Variants in MCUR1 observed in about 807,000 individuals in gnomAD.
The protein encoded by MCUR1 is MCU regulator 1.
MCUR1 carries 37 observed loss-of-function variants against 42.0 expected under a neutral mutation model. The observed-to-expected ratio is 0.88, with a 90% confidence interval of 0.68 to 1.16. MCUR1 has a LOEUF of 1.16. Ranked by LOEUF, MCUR1 falls within the 50% of genes most tolerant of loss-of-function variation. The pLI, the probability that MCUR1 is intolerant of heterozygous loss-of-function variation, is 0.00. For missense variants in MCUR1, 469 were observed against 468.4 expected, an observed-to-expected ratio of 1.00 and a Z score of -0.01; for synonymous variants, 229 against 196.2, an observed-to-expected ratio of 1.17 and a Z score of -1.40.
Position 13,800,394 on chromosome 6 carries a change from T to A in MCUR1, c.742-12A>T, listed in dbSNP as rs1561732410. The A allele has an allele frequency of 7.3e-7, 1 of 1,375,422 alleles. No homozygotes were observed. 85.2% of individuals were successfully genotyped at this position (1,375,422 alleles called of 1,614,324 possible). ...TCGAGTTTTATTTTCTAAAAACACATAAAAAAAAAGTCATTAGAAAGAACA... is the reference window on the plus strand; with the variant it reads ...TCGAGTTTTATTTTCTAAAAACACAAAAAAAAAAAGTCATTAGAAAGAACA... On this transcript the variant is annotated splice_polypyrimidine_tract_variant and intron_variant, in intron 4 of 8. Transcript: ENST00000379170.
intron 2 of MCUR1, among the ~76,000 whole-genome samples, chr6:13,805,637 A>T (rs1015527056): frequency 7.2e-5 from 11 of 152,232 alleles, no homozygotes; most frequent in African/African-American, 2.7e-4. Flanking sequence ...TCATTCCGTC[A>T]CTTTGTCTTA....
chr6:13,798,889 C>CT lies in MCUR1; in HGVS notation c.798dup (p.Val267SerfsTer55). 1.2e-6 allele frequency: 2 copies of CT among 1,600,712 alleles called. No individual in the cohort carries two copies. Among genetic ancestry groups the CT allele is most frequent in the South Asian group, 2.2e-5 (2 of 90,552 alleles). On this transcript the variant is annotated frameshift_variant, in exon 6 of 9. Coordinates refer to ENST00000379170, the MANE Select transcript of MCUR1 (RefSeq NM_001031713.4). LOFTEE classifies it high-confidence loss of function. ...AAGTCTAATTTGGTATCTGTTCGGA[C>CT]TTTGATCACTTCATCCTAAAAGGAG...
In MCUR1 at chr6:13,789,016, T is replaced by C. The variant is rs1410425688; in HGVS notation, c.*1793A>G. The C allele has an allele frequency of 1.3e-5, 2 of 152,254 alleles. No homozygotes were observed. The highest frequency in any genetic ancestry group is 2.9e-5 in the Non-Finnish European group (2 of 68,044). 9.4% of individuals were successfully genotyped at this position (152,254 alleles called of 1,614,324 possible). A position where few individuals can be genotyped will look rare whatever the true frequency, so the allele number is the denominator to read the frequency against. ...CACCAAACTGATCAAAAAATCTGCC[T>C]GTGGTTCCTTCACTGTATGTGTGTG... On this transcript the variant is annotated 3_prime_UTR_variant, in exon 9 of 9. Coordinates refer to ENST00000379170, the MANE Select transcript of MCUR1 (RefSeq NM_001031713.4).
chr6:13,801,561 C>T (rs976021780), intron 3 of MCUR1, among the ~76,000 whole-genome samples, 172 bp from the exon 4 acceptor site: 9 of 152,052 alleles, frequency 5.9e-5, no homozygotes, highest in African/African-American at 2.2e-4. Context: ...AAAAACAACA[C>T]ATATCTGGCC....
In MCUR1 at chr6:13,797,840, A is replaced by G. The variant is rs555916356; in HGVS notation, c.855+993T>C. ...GGAGTTTGAGACCAGCCTGGCCAAC[A>G]TGGTGAAACCCTGTCTCTACTAAAA... On this transcript the variant is annotated intron_variant, in intron 6 of 8. Coordinates refer to ENST00000379170, the MANE Select transcript of MCUR1 (RefSeq NM_001031713.4). 2.1e-4 allele frequency among the ~76,000 whole-genome samples: 32 copies of G among 152,048 alleles called. No homozygotes were observed. The South Asian group carries it at 4.8e-3, about 23-fold the overall frequency.
At position 13,791,896 on chromosome 6, in the gene MCUR1, T is replaced by C; in HGVS notation, c.1006A>G (p.Asn336Asp). 6.2e-7 allele frequency: 1 copy of C among 1,612,406 alleles called. No individual in the cohort carries two copies. The highest frequency in any genetic ancestry group is 1.7e-5 in the Admixed American group (1 of 59,974). The change falls in exon 8 of 9, where the codon AAT becomes GAT. Residue 336 changes from asparagine to aspartate, a missense_variant. Asn to Asp is a conservative substitution (Grantham distance 23, BLOSUM62 1). Coordinates refer to ENST00000379170, the MANE Select transcript of MCUR1 (RefSeq NM_001031713.4). ...AGCTTACCTGCTAAATATTTAATATTATCAAGCTTGTGTGACTCAAGCATG... is the reference window on the plus strand; with the variant it reads ...AGCTTACCTGCTAAATATTTAATATCATCAAGCTTGTGTGACTCAAGCATG... Reference protein sequence around the residue: ...KTMLESHKLDNIKYLAGSIFT... With the variant: ...KTMLESHKLDDIKYLAGSIFT...
intron 1 of MCUR1, among the ~76,000 whole-genome samples, 171 bp downstream of exon 1, chr6:13,813,844 A>C (rs1760293827): frequency 6.6e-6 from 1 of 152,160 alleles, no homozygotes; most frequent in Admixed American, 6.5e-5. Flanking sequence ...ACCGCGGCCG[A>C]GCAGGGCGGG....
intron 2 of MCUR1, among the ~76,000 whole-genome samples, chr6:13,804,814 A>AAAAAAAAAAAAAAAAAAAG (rs1230089057): frequency 2.0e-5 from 3 of 148,906 alleles, no homozygotes; most frequent in African/African-American, 7.6e-5. Context: ...AAAAAAAAAA[A>AAAAAAAAAAAAAAAAAAAG]GTGGAAGTCT....
chr6:13,812,349 C>T (rs1487053391), intron 1 of MCUR1, among the ~76,000 whole-genome samples: 5 of 152,092 alleles, frequency 3.3e-5, no homozygotes, highest in Non-Finnish European at 5.9e-5. Flanking sequence ...TCTCTGCTCT[C>T]TTCTGTTTTT....
intron 1 of MCUR1, among the ~76,000 whole-genome samples, chr6:13,808,044 T>C (rs541142846): frequency 2.6e-5 from 4 of 152,220 alleles, no homozygotes; most frequent in Admixed American, 1.3e-4. Flanking sequence ...TAAGGGATGA[T>C]GACTAGGCTA....
chr6:13,796,964 T>C (rs984014949), intron 6 of MCUR1, among the ~76,000 whole-genome samples: 4 of 151,082 alleles, frequency 2.6e-5, no homozygotes, highest in Non-Finnish European at 5.9e-5. Flanking sequence ...TGACATGCTA[T>C]AGTCAGTAAC....
chr6:13,813,341 C>T (rs1001846139), intron 1 of MCUR1, among the ~76,000 whole-genome samples: 1 of 152,172 alleles, frequency 6.6e-6, no homozygotes. Flanking sequence ...ACCCATTCCA[C>T]TTCCCAAGCC....
chr6:13,812,796 C>T (rs1760265093), intron 1 of MCUR1, among the ~76,000 whole-genome samples: 1 of 152,210 alleles, frequency 6.6e-6, no homozygotes, highest in Admixed American at 6.5e-5. Context: ...TATGTATAGA[C>T]TGCCCAAAGT....
At chr6:13,808,147 G>A (rs754316739) in intron 1 of MCUR1, among the ~76,000 whole-genome samples, 6 of 152,102 alleles carry the variant, frequency 3.9e-5, no homozygotes, top group African/African-American at 7.2e-5. Context: ...TCCCCGACAC[G>A]TGTGCTGTTC....
chr6:13,798,977 T>G (rs1330695202), intron 5 of MCUR1, 73 bp from the exon 6 acceptor site: 26 of 868,586 alleles, frequency 3.0e-5, no homozygotes, highest in Non-Finnish European at 5.0e-5. Flanking sequence ...GACGTGACAC[T>G]GGGACCACTG....
intron 6 of MCUR1, among the ~76,000 whole-genome samples, chr6:13,796,277 A>G (rs866035461): frequency 6.9e-6 from 1 of 145,460 alleles, no homozygotes; most frequent in African/African-American, 2.6e-5. Flanking sequence ...AAATTTCATC[A>G]TTTTTTTTCT....
intron 1 of MCUR1, 110 bp from the exon 2 acceptor site, chr6:13,807,154 A>G: frequency 8.4e-7 from 1 of 1,194,156 alleles, no homozygotes; most frequent in Non-Finnish European, 1.1e-6. Flanking sequence ...ACTTTATAAC[A>G]GCTTCGTTGA....
rs1043903226 is a variant in MCUR1, at chr6:13,789,173, C to A, written c.*1636G>T. ...ATCCCACTACTTTGGGAGACCAAGGCGGGTGAATCACGAGGTCAGGAGTTA... is the reference window on the plus strand; with the variant it reads ...ATCCCACTACTTTGGGAGACCAAGGAGGGTGAATCACGAGGTCAGGAGTTA... On this transcript the variant is annotated 3_prime_UTR_variant, in exon 9 of 9. Transcript: ENST00000379170. 1 of 152,216 alleles carries A rather than the reference C, an allele frequency of 6.6e-6. No homozygotes were observed. The allele number at this position is 152,216 out of a possible 1,614,324, so 9.4% of individuals were successfully genotyped here. A position where few individuals can be genotyped will look rare whatever the true frequency, so the allele number is the denominator to read the frequency against.
chr6:13,798,956 A>C, intron 5 of MCUR1, 52 bp from the exon 6 acceptor site: 1 of 1,114,810 alleles, frequency 9.0e-7, no homozygotes, highest in Non-Finnish European at 1.4e-6. Flanking sequence ...AAGAAACCCA[A>C]ACTCTATGAG....
Sources: allele counts gnomAD v4.1 joint callset (sites outside exome capture counted in the v4.1 genomes callset), GRCh38; gene constraint gnomAD v4.1.1; transcripts MANE v1.5; gene names NCBI Gene and HGNC (gene_info 2026-07-23, HGNC 2026-07-21).